NFE2L2: variants seen among roughly 807,000 people sequenced by gnomAD.
NFE2L2 encodes nuclear factor erythroid 2-related factor 2.
NFE2L2 carries 20 observed loss-of-function variants against 49.6 expected under a neutral mutation model. The ratio of observed to expected loss-of-function variants is 0.40; its 90% CI spans 0.28 to 0.59. The LOEUF (loss-of-function observed/expected upper bound fraction) is 0.59. Ranked by LOEUF, NFE2L2 falls within the 20% of genes least tolerant of loss-of-function variation. NFE2L2 has a pLI of 0.40. For synonymous variants in NFE2L2, 244 were observed against 256.5 expected (o/e 0.95, Z 0.47); for missense variants, 578 against 714.2 (o/e 0.81, Z 2.17).
At chr2:177,233,229 C>T (rs1411997464) in intron 3 of NFE2L2, 21 bp downstream of exon 3, 1 of 1,554,112 alleles carries the variant, frequency 6.4e-7, no homozygotes, top group Non-Finnish European at 8.7e-7. Context: ...TTTCTATTAA[C>T]CAGGTTATTT....
chr2:177,234,253 T>C lies in NFE2L2; in HGVS notation c.64A>G (p.Ile22Val), dbSNP rs1231966037. Residue 22 changes from isoleucine to valine, a missense_variant, in exon 2 of 5, where the codon ATA (isoleucine) becomes GTA (valine). Physicochemically the swap from Ile to Val is conservative, Grantham distance 29. Transcript: ENST00000397062. ...PSQQDMDLID[I>V]LWRQDIDLGV... ...AGATCTATATCTTGCCTCCAAAGTA[T>C]GTCAATCAAATCCATGTCCTATGTT... is the stretch of plus-strand genomic sequence containing the variant. The C allele has an allele frequency of 5.0e-6, 8 of 1,611,096 alleles. No homozygotes were observed. The East Asian group carries it at 1.6e-4, about 31-fold the overall frequency.
At chr2:177,248,007 A>G (rs994673041) in intron 1 of NFE2L2, among the ~76,000 whole-genome samples, 3 of 152,230 alleles carry the variant, frequency 2.0e-5, no homozygotes, top group Non-Finnish European at 4.4e-5. Context: ...GGCTCCTTAA[A>G]GATGTATCAC....
intron 1 of NFE2L2, among the ~76,000 whole-genome samples, chr2:177,262,958 G>GA (rs1301359218): frequency 1.3e-5 from 2 of 152,030 alleles, no homozygotes; most frequent in African/African-American, 2.4e-5. Flanking sequence ...TTTAAAGGGG[G>GA]AAAAAAGCAC....
In NFE2L2 at chr2:177,264,516, A is replaced by G. The variant is rs1158718316; in HGVS notation, c.45+16T>C. On this transcript the variant is annotated intron_variant, in intron 1 of 4. Transcript: ENST00000397062. ...GTCCCGGCACCACCGCAGGGCCCAGAGGGCCGAGGCAGCACCTGCTGGGAC... is the reference window on the plus strand; with the variant it reads ...GTCCCGGCACCACCGCAGGGCCCAGGGGGCCGAGGCAGCACCTGCTGGGAC... 3 of 1,523,964 alleles carry G rather than the reference A, an allele frequency of 2.0e-6. No individual in the cohort carries two copies. The highest frequency in any genetic ancestry group is 2.9e-5 in the African/African-American group (2 of 70,054). The allele number at this position is 1,523,964 out of a possible 1,614,324, so 94.4% of individuals were successfully genotyped here. A position where few individuals can be genotyped will look rare whatever the true frequency, so the allele number is the denominator to read the frequency against.
At chr2:177,256,336 C>G (rs1273625430) in intron 1 of NFE2L2, among the ~76,000 whole-genome samples, 1 of 152,030 alleles carries the variant, frequency 6.6e-6, no homozygotes. Flanking sequence ...TATGCGGAAG[C>G]AGAGCAGACA....
At chr2:177,260,654 C>A (rs1443058393) in intron 1 of NFE2L2, among the ~76,000 whole-genome samples, 1 of 152,146 alleles carries the variant, frequency 6.6e-6, no homozygotes, top group African/African-American at 2.4e-5. Context: ...TTAACCCTGT[C>A]TGTCACACTC....
At chr2:177,235,622 G>C in intron 1 of NFE2L2, among the ~76,000 whole-genome samples, 1 of 152,094 alleles carries the variant, frequency 6.6e-6, no homozygotes, top group Non-Finnish European at 1.5e-5. Flanking sequence ...TGGAGCACAG[G>C]AGTTACTAGC....
rs1457870519 is a variant in NFE2L2, at chr2:177,264,665, C to T, written c.-89G>A. The T allele has an allele frequency of 5.9e-5, 30 of 506,770 alleles. No homozygotes were observed. Among genetic ancestry groups the T allele is most frequent in the African/African-American group, 6.9e-5 (2 of 28,942 alleles). The allele number at this position is 506,770 out of a possible 1,614,324, so 31.4% of individuals were successfully genotyped here. A position where few individuals can be genotyped will look rare whatever the true frequency, so the allele number is the denominator to read the frequency against. ...GGCGCGGACAGGGCGGCTCTGGTGG[C>T]GGCGGCGGCGGCGGTGGCGGCTGCG... is the stretch of plus-strand genomic sequence containing the variant. On this transcript the variant is annotated 5_prime_UTR_variant, in exon 1 of 5. Coordinates refer to ENST00000397062, the MANE Select transcript of NFE2L2 (RefSeq NM_006164.5).
intron 3 of NFE2L2, chr2:177,233,020 C>T: frequency 1.9e-6 from 1 of 517,140 alleles, no homozygotes; most frequent in Non-Finnish European, 3.3e-6. Context: ...ATGCAATAGT[C>T]AATGGTTTTG....
chr2:177,252,530 GA>G (rs1329265430), intron 1 of NFE2L2, among the ~76,000 whole-genome samples: 1 of 152,204 alleles, frequency 6.6e-6, no homozygotes, highest in Non-Finnish European at 1.5e-5. Context: ...CAATCTAAGA[GA>G]GGGGCAAAAA....
chr2:177,232,744 T>G (rs543866806), intron 3 of NFE2L2, 161 bp from the exon 4 acceptor site: 2 of 667,446 alleles, frequency 3.0e-6, no homozygotes, highest in Admixed American at 3.0e-5. Context: ...CTTTTTTTCC[T>G]ACCCCACTGA....
rs1689660641 is a variant in NFE2L2, at chr2:177,234,149, C to T, written c.168G>A (p.Lys56=). The T allele has an allele frequency of 1.2e-6, 2 of 1,614,016 alleles. No homozygotes were observed. The highest frequency in any genetic ancestry group is 1.3e-5 in the African/African-American group (1 of 74,932). Residue 56 remains lysine (K), a synonymous_variant, in exon 2 of 5, where the codon AAG becomes AAA. Transcript: ENST00000397062. ...YELEKQKKLE[K]ERQEQLQKEQ... ...CCTTTTGGAGTTGTTCTTGTCTTTC[C>T]TTTTCAAGTTTTTTCTGTTTTTCCA...
chr2:177,230,843 CTT>C lies in NFE2L2; in HGVS notation c.1758_1759del (p.Asp588TrpfsTer10), dbSNP rs1326081580. On this transcript the variant is annotated frameshift_variant, in exon 5 of 5. Transcript: ENST00000397062. LOFTEE classifies it high-confidence loss of function. ...GGGAACAAGGAAAACATTGCCATCTCTTGTTTGCTGCAGGGAGTATTCACTAG... is the reference window on the plus strand; with the variant it reads ...GGGAACAAGGAAAACATTGCCATCTCGTTTGCTGCAGGGAGTATTCACTAG... 4.4e-6 allele frequency: 7 copies of C among 1,599,058 alleles called. No homozygotes were observed. The highest frequency in any genetic ancestry group is 1.2e-5 in the South Asian group (1 of 86,658).
chr2:177,236,029 GA>G (rs1485623947), intron 1 of NFE2L2, among the ~76,000 whole-genome samples: 7 of 152,190 alleles, frequency 4.6e-5, no homozygotes, highest in Admixed American at 3.3e-4. Context: ...TTTGAGAATG[GA>G]AAAAAATCAA....
intron 1 of NFE2L2, among the ~76,000 whole-genome samples, chr2:177,241,496 T>C (rs917918111): frequency 1.3e-5 from 2 of 152,188 alleles, no homozygotes; most frequent in Non-Finnish European, 2.9e-5. Context: ...TCTGGATGAA[T>C]ATAAACCAAA....
chr2:177,243,766 A>T (rs1690020462), intron 1 of NFE2L2, among the ~76,000 whole-genome samples: 2 of 152,130 alleles, frequency 1.3e-5, no homozygotes, highest in African/African-American at 4.8e-5. Flanking sequence ...TGGTCTCCCA[A>T]AGTGCTGAGA....
In NFE2L2 at chr2:177,231,163, G is replaced by A. The variant is rs1343853109; in HGVS notation, c.1440C>T (p.Asp480=). Residue 480 remains aspartate (D), a synonymous_variant, in exon 5 of 5, where the codon GAC becomes GAT. Transcript: ENST00000397062. ...VEKIINLPVV[D]FNEMMSKEQF... ...GCTCTTTGGACATCATTTCGTTGAA[G>A]TCAACAACAGGGAGGTTAATGATTT... 2 of 1,614,158 alleles carry A rather than the reference G, an allele frequency of 1.2e-6. No homozygotes were observed. Among genetic ancestry groups the A allele is most frequent in the Middle Eastern group, 1.6e-4 (1 of 6,062 alleles).
At chr2:177,242,490 T>G (rs1689972343) in intron 1 of NFE2L2, among the ~76,000 whole-genome samples, 2 of 152,164 alleles carry the variant, frequency 1.3e-5, no homozygotes. Flanking sequence ...ATTCCCTGAG[T>G]TATAGAACCA....
Position 177,231,998 on chromosome 2 carries a change from A to G in NFE2L2, c.605T>C (p.Ile202Thr). 1.2e-6 allele frequency: 2 copies of G among 1,600,560 alleles called. No individual in the cohort carries two copies. The highest frequency in any genetic ancestry group is 1.7e-6 in the Non-Finnish European group (2 of 1,173,422). The change falls in exon 5 of 5, where the codon ATT becomes ACT. Residue 202 changes from isoleucine to threonine, a missense_variant. Around this residue, in one of 3 missense-constraint regions of NFE2L2, gnomAD observed 368 missense variants for 384.6 expected, o/e 0.96. Coordinates refer to ENST00000397062, the MANE Select transcript of NFE2L2 (RefSeq NM_006164.5). ...AGTCTCAACCAGCTTGTCATTTTCA[A>G]TATTAAGACACTGCATGAGAAGGAA... ...LSIPELQCLN[I>T]ENDKLVETTM...
Sources: gnomAD v4.1 joint callset for allele counts (sites outside exome capture counted in the v4.1 genomes callset) on GRCh38, gnomAD v4.1.1 for gene constraint, gnomAD v4.1.1 regional missense constraint, MANE v1.5 for transcripts, NCBI Gene and HGNC (gene_info 2026-07-23, HGNC 2026-07-21) for gene names.